CFAP47: variants seen among roughly 807,000 people sequenced by gnomAD.
The protein encoded by CFAP47 is cilia and flagella associated protein 47.
Under a neutral mutation model 148.1 loss-of-function variants are expected in CFAP47, and 29 were observed. That is an observed-to-expected ratio of 0.20 (90% CI 0.15 to 0.27). The LOEUF (loss-of-function observed/expected upper bound fraction) is 0.27, where lower values mean the gene tolerates loss of function less well. Ranked by LOEUF, CFAP47 falls within the 10% of genes least tolerant of loss-of-function variation. CFAP47 has a pLI of 1.00. For missense variants in CFAP47, 1,872 were observed against 1,697.5 expected (o/e 1.10, Z -1.81); for synonymous variants, 664 against 577.3 (o/e 1.15, Z -2.15).
Position 36,052,432 on chromosome X carries a change from T to A in CFAP47, c.4217+5369T>A, listed in dbSNP as rs188262615. ...TGCACATAAAGATAAATTAATGCAT[T>A]TATAAGTGTTTTAAATAATAAAAAT... On this transcript the variant is annotated intron_variant, in intron 26 of 63. Coordinates refer to ENST00000378653, the MANE Select transcript of CFAP47 (RefSeq NM_001304548.2). Among the ~76,000 whole-genome samples the A allele has an allele frequency of 2.1e-3, 235 of 112,426 alleles. 5 individuals carry two copies. The East Asian group carries it at 0.022, about 10-fold the overall frequency.
intron 60 of CFAP47, among the ~76,000 whole-genome samples, chrX:36,359,754 T>G (rs782794178): frequency 1.8e-5 from 2 of 111,216 alleles, no homozygotes; most frequent in Non-Finnish European, 3.8e-5. Context: ...CTCTTTATTT[T>G]TATTTGTATT....
At chrX:36,200,937 G>A (rs1555987970) in intron 43 of CFAP47, among the ~76,000 whole-genome samples, 2 of 110,110 alleles carry the variant, frequency 1.8e-5, no homozygotes, top group African/African-American at 6.6e-5. Flanking sequence ...TTTGACAGGT[G>A]TCTTTTTTTT....
rs769348362 is a variant in CFAP47 at position 35,961,718 on chromosome X, C to T, written c.1411-4847C>T. Among the ~76,000 whole-genome samples the T allele has an allele frequency of 4.5e-5, 5 of 110,547 alleles. No individual in the cohort carries two copies. In the South Asian group the frequency reaches 1.9e-3, roughly 42 times the overall value. Reference sequence around the variant, plus strand: ...GCAAAGTTAGTCATCTCTTTTTTTGCTTATTAAGTCTAGTTAAAATTTTTT... The same window carrying T: ...GCAAAGTTAGTCATCTCTTTTTTTGTTTATTAAGTCTAGTTAAAATTTTTT... On this transcript the variant is annotated intron_variant, in intron 8 of 63. Transcript: ENST00000378653.
At chrX:36,304,886 A>T (rs1013549372) in intron 54 of CFAP47, among the ~76,000 whole-genome samples, 1 of 112,489 alleles carries the variant, frequency 8.9e-6, no homozygotes, top group African/African-American at 3.2e-5. Context: ...TCTAAAGCAT[A>T]GGACACCATT....
intron 2 of CFAP47, among the ~76,000 whole-genome samples, chrX:35,928,176 A>G (rs1935774801): frequency 9.1e-6 from 1 of 110,241 alleles, no homozygotes; most frequent in Non-Finnish European, 1.9e-5. Context: ...TCATGAGTGT[A>G]ATTGTAGGGT....
At chrX:36,341,625 T>G (rs1556015783) in intron 57 of CFAP47, among the ~76,000 whole-genome samples, 3 of 111,003 alleles carry the variant, frequency 2.7e-5, no homozygotes, top group Non-Finnish European at 5.7e-5. Flanking sequence ...GAGTAAAAAT[T>G]TCTAACACCT....
chrX:36,132,200 T>A (rs1037113895), intron 33 of CFAP47, among the ~76,000 whole-genome samples: 1 of 111,270 alleles, frequency 9.0e-6, no homozygotes, highest in Non-Finnish European at 1.9e-5. Context: ...TATTGCTACT[T>A]AAATATACCT....
At chrX:36,183,810 G>A (rs893306654) in intron 40 of CFAP47, among the ~76,000 whole-genome samples, 6 of 111,723 alleles carry the variant, frequency 5.4e-5, no homozygotes, top group Admixed American at 3.8e-4. Context: ...TATCAGGAAC[G>A]TATCAGTGTA....
chrX:36,183,326 A>G (rs1271905457), intron 40 of CFAP47, among the ~76,000 whole-genome samples: 2 of 111,187 alleles, frequency 1.8e-5, no homozygotes, highest in Non-Finnish European at 3.8e-5. Context: ...TTCAAAAAAT[A>G]AAAATAAAGA....
intron 33 of CFAP47, among the ~76,000 whole-genome samples, chrX:36,126,971 T>C (rs1219809545): frequency 8.9e-6 from 1 of 112,382 alleles, no homozygotes; most frequent in African/African-American, 3.2e-5. Flanking sequence ...TTGTTTAAGT[T>C]CTTTGTAGAT....
intron 3 of CFAP47, among the ~76,000 whole-genome samples, chrX:35,944,425 C>A (rs1936056305): frequency 9.0e-6 from 1 of 111,612 alleles, no homozygotes; most frequent in Middle Eastern, 4.6e-3. Flanking sequence ...AACTATGAAG[C>A]TTTTAATGAA....
chrX:36,049,520 A>ACC (rs1569242455), intron 26 of CFAP47, among the ~76,000 whole-genome samples: 6 of 109,620 alleles, frequency 5.5e-5, no homozygotes, highest in African/African-American at 2.0e-4. Flanking sequence ...ACACACACAC[A>ACC]CACACACTAG....
In CFAP47 at chrX:35,985,976, T is replaced by C; in HGVS notation, c.2714-3343T>C. The stretch of plus-strand genomic sequence containing the variant: ...ATACAATTGTTATCTCCATTTTACA[T>C]GTAATTAAACTGAGCTACAGAGCAA... On this transcript the variant is annotated intron_variant, in intron 15 of 63. Transcript: ENST00000378653. The C allele has an allele frequency of 5.9e-6, 2 of 336,651 alleles. 1 individual carries two copies. Among genetic ancestry groups the C allele is most frequent in the South Asian group, 5.6e-5 (2 of 35,755 alleles). The allele number at this position is 336,651 out of a possible 1,213,427, so 27.7% of individuals were successfully genotyped here.
intron 60 of CFAP47, among the ~76,000 whole-genome samples, chrX:36,355,131 A>G (rs782317046): frequency 9.0e-6 from 1 of 111,521 alleles, no homozygotes; most frequent in African/African-American, 3.3e-5. Flanking sequence ...AAAGTTCAAT[A>G]TCACTAATTA....
intron 50 of CFAP47, 94 bp from the exon 51 acceptor site, chrX:36,285,535 G>T: frequency 2.3e-6 from 1 of 431,016 alleles, no homozygotes; most frequent in Non-Finnish European, 4.1e-6. Flanking sequence ...AAACAAAAAG[G>T]TTGAAAATGA....
At position 36,352,883 on chromosome X, in the gene CFAP47, A is replaced by C. The variant is rs1034658679; in HGVS notation, c.8699-646A>C. 9.1e-5 allele frequency among the ~76,000 whole-genome samples: 10 copies of C among 109,787 alleles called. No individual in the cohort carries two copies. The East Asian group carries it at 2.8e-3, about 31-fold the overall frequency. On this transcript the variant is annotated intron_variant, in intron 59 of 63. Coordinates refer to ENST00000378653, the MANE Select transcript of CFAP47 (RefSeq NM_001304548.2). ...ATTCTGTACATTAAATTAATATGTA[A>C]TCACATTTAACTTGAATTTTAAATC...
intron 10 of CFAP47, among the ~76,000 whole-genome samples, chrX:35,968,320 T>A (rs1215595159): frequency 9.0e-6 from 1 of 110,958 alleles, no homozygotes; most frequent in East Asian, 2.8e-4. Context: ...TTTTTAATAA[T>A]CTTCCACAAA....
intron 46 of CFAP47, among the ~76,000 whole-genome samples, chrX:36,231,363 T>C (rs1940356390): frequency 9.4e-6 from 1 of 106,433 alleles, no homozygotes. Flanking sequence ...TATTTTATTC[T>C]CTTTGAAGCA....
chrX:36,091,567 A>G (rs756836059), intron 30 of CFAP47, among the ~76,000 whole-genome samples: 3 of 111,640 alleles, frequency 2.7e-5, no homozygotes, highest in South Asian at 3.7e-4. Flanking sequence ...GAAGATTCAC[A>G]GAAGTAATGT....
Sources: gnomAD v4.1 joint callset for allele counts (sites outside exome capture counted in the v4.1 genomes callset) on GRCh38, gnomAD v4.1.1 for gene constraint, MANE v1.5 for transcripts, NCBI Gene and HGNC (gene_info 2026-07-23, HGNC 2026-07-21) for gene names.